The following RCAN2 variants were observed in gnomAD, a reference collection of about 807,000 sequenced individuals.
RCAN2 encodes the protein calcipressin-2.
A neutral mutation model predicts 23.6 loss-of-function variants in RCAN2; 9 were observed. The ratio of observed to expected loss-of-function variants is 0.38; its 90% CI spans 0.23 to 0.67. The LOEUF (loss-of-function observed/expected upper bound fraction) is 0.67, where lower values mean the gene tolerates loss of function less well. Ranked by LOEUF, RCAN2 falls within the 30% of genes least tolerant of loss-of-function variation. The pLI is 0.51. For missense variants in RCAN2, 273 were observed against 302.3 expected (o/e 0.90, Z 0.72); for synonymous variants, 109 against 115.7 (o/e 0.94, Z 0.37).
At chr6:46,469,612 T>A (rs1345360137) in intron 1 of RCAN2, among the ~76,000 whole-genome samples, 1 of 152,178 alleles carries the variant, frequency 6.6e-6, no homozygotes, top group Non-Finnish European at 1.5e-5. Context: ...GCCTCCACAC[T>A]GCTTTACAAC....
At chr6:46,408,618 C>T (rs1205060465) in intron 2 of RCAN2, among the ~76,000 whole-genome samples, 3 of 152,120 alleles carry the variant, frequency 2.0e-5, no homozygotes, top group Non-Finnish European at 4.4e-5. Context: ...CCAAACGGAG[C>T]AAAGCTGCCA....
intron 4 of RCAN2, among the ~76,000 whole-genome samples, chr6:46,227,907 C>A (rs1163563263): frequency 3.3e-5 from 5 of 152,124 alleles, no homozygotes; most frequent in Admixed American, 3.3e-4. Flanking sequence ...CTCTTGTGGG[C>A]ATTTAGTGCT....
chr6:46,425,431 C>G (rs1054359028), intron 2 of RCAN2, among the ~76,000 whole-genome samples: 4 of 152,154 alleles, frequency 2.6e-5, no homozygotes, highest in African/African-American at 9.7e-5. Flanking sequence ...CATTTTACCA[C>G]TTTTAATATT....
At chr6:46,347,100 C>T (rs917857065) in intron 2 of RCAN2, among the ~76,000 whole-genome samples, 4 of 152,194 alleles carry the variant, frequency 2.6e-5, no homozygotes, top group Non-Finnish European at 5.9e-5. Flanking sequence ...TAGTCTCAAT[C>T]ACCTGACCTT....
At chr6:46,383,108 A>C (rs911576079) in intron 2 of RCAN2, among the ~76,000 whole-genome samples, 5 of 152,066 alleles carry the variant, frequency 3.3e-5, no homozygotes, top group African/African-American at 1.2e-4. Context: ...AAAAGTGATA[A>C]GAGTAGAGAT....
chr6:46,373,425 T>C (rs9395180), intron 2 of RCAN2, among the ~76,000 whole-genome samples: 77,927 of 151,830 alleles, frequency 0.51, 20,430 homozygotes, highest in East Asian at 0.61. Flanking sequence ...CTACCACGCC[T>C]AGCTAATTTT....
chr6:46,310,727 T>G (rs891482730), intron 2 of RCAN2, among the ~76,000 whole-genome samples: 1 of 152,188 alleles, frequency 6.6e-6, no homozygotes, highest in South Asian at 2.1e-4. Context: ...AGTGACCTTA[T>G]AGAGAATTTG....
intron 4 of RCAN2, among the ~76,000 whole-genome samples, chr6:46,234,089 T>C (rs1430916646): frequency 1.3e-5 from 2 of 152,122 alleles, no homozygotes; most frequent in African/African-American, 2.4e-5. Context: ...CCTCTCAGAA[T>C]AGGTGTGTTG....
At chr6:46,358,371 G>A (rs372360655) in intron 2 of RCAN2, among the ~76,000 whole-genome samples, 113 of 152,276 alleles carry the variant, frequency 7.4e-4, no homozygotes, top group African/African-American at 2.6e-3. Context: ...CAGGGACAGT[G>A]GCAGGGGAGG....
intron 2 of RCAN2, among the ~76,000 whole-genome samples, chr6:46,323,887 C>G (rs746520659): frequency 6.6e-6 from 1 of 152,176 alleles, no homozygotes; most frequent in Non-Finnish European, 1.5e-5. Flanking sequence ...AATATTTTCT[C>G]ATTATCTTTT....
rs2150432922 is a variant in RCAN2, at chr6:46,456,990, A to T, written c.-2-12T>A. On this transcript the variant is annotated splice_polypyrimidine_tract_variant and intron_variant, in intron 1 of 4. Transcript: ENST00000371374. ...TTCTCCCCTCATTCCTGGGGATACA[A>T]AGATGAGCATGTGTTACTGCAGAAC... The T allele has an allele frequency of 1.3e-6, 2 of 1,528,556 alleles. No homozygotes were observed. Among genetic ancestry groups the T allele is most frequent in the Non-Finnish European group, 1.8e-6 (2 of 1,127,274 alleles). The allele number at this position is 1,528,556 out of a possible 1,614,324, so 94.7% of individuals were successfully genotyped here.
intron 2 of RCAN2, among the ~76,000 whole-genome samples, chr6:46,360,491 G>A (rs1309546655): frequency 2.4e-5 from 3 of 123,770 alleles, no homozygotes; most frequent in Non-Finnish European, 4.7e-5. Flanking sequence ...CCGAGATCGT[G>A]CCACTACACT....
At chr6:46,466,004 A>G (rs1768369146) in intron 1 of RCAN2, among the ~76,000 whole-genome samples, 1 of 152,222 alleles carries the variant, frequency 6.6e-6, no homozygotes, top group South Asian at 2.1e-4. Context: ...AGAAACAAAA[A>G]AGTGAACAGG....
At chr6:46,474,076 AGAG>A (rs1305013253) in intron 1 of RCAN2, among the ~76,000 whole-genome samples, 4 of 152,182 alleles carry the variant, frequency 2.6e-5, no homozygotes, top group African/African-American at 9.7e-5. Flanking sequence ...CATCAGAAGA[AGAG>A]GAGAATAGGC....
intron 2 of RCAN2, among the ~76,000 whole-genome samples, chr6:46,295,920 G>A (rs542872615): frequency 6.6e-6 from 1 of 151,908 alleles, no homozygotes; most frequent in South Asian, 2.1e-4. Context: ...TGGAAGGATG[G>A]AAGCAAGGAA....
chr6:46,371,078 C>T (rs1374404326), intron 2 of RCAN2, among the ~76,000 whole-genome samples: 3 of 152,094 alleles, frequency 2.0e-5, no homozygotes, highest in African/African-American at 4.8e-5. Flanking sequence ...GTACATTTTT[C>T]GAGGGAGAGG....
At chr6:46,293,540 A>T (rs1454798212) in intron 2 of RCAN2, among the ~76,000 whole-genome samples, 3 of 152,194 alleles carry the variant, frequency 2.0e-5, no homozygotes, top group African/African-American at 7.2e-5. Context: ...ATAATATTCA[A>T]ATAAGAAATT....
At chr6:46,463,677 G>T (rs573872138) in intron 1 of RCAN2, among the ~76,000 whole-genome samples, 53 of 152,228 alleles carry the variant, frequency 3.5e-4, no homozygotes, top group African/African-American at 1.2e-3. Context: ...TTTAACAAAA[G>T]CTTTCTCCAG....
chr6:46,344,932 T>C (rs1450886184), intron 2 of RCAN2, among the ~76,000 whole-genome samples: 2 of 151,990 alleles, frequency 1.3e-5, no homozygotes, highest in Non-Finnish European at 2.9e-5. Context: ...ACAGACTAGA[T>C]TAAAATAAAA....
Sources: gnomAD v4.1 joint callset for allele counts (sites outside exome capture counted in the v4.1 genomes callset) on GRCh38, gnomAD v4.1.1 for gene constraint, MANE v1.5 for transcripts, NCBI Gene and HGNC (gene_info 2026-07-23, HGNC 2026-07-21) for gene names.